Variants in ZNF143 observed in about 807,000 individuals in gnomAD.
ZNF143 encodes SPH-binding factor.
ZNF143 carries 49 observed loss-of-function variants against 74.1 expected under a neutral mutation model. That is an observed-to-expected ratio of 0.66 (90% CI 0.53 to 0.84). The LOEUF is 0.84. Ranked by LOEUF, ZNF143 falls within the 40% of genes least tolerant of loss-of-function variation. The probability of loss-of-function intolerance (pLI) is 0.00; values close to 1 mark genes in which losing one functional copy is unlikely to be tolerated. For missense variants in ZNF143, 637 were observed against 793.4 expected (o/e 0.80, Z 2.37); for synonymous variants, 304 against 282.8 (o/e 1.07, Z -0.75).
chr11:9,491,327 T>G (rs1015491260), intron 7 of ZNF143, among the ~76,000 whole-genome samples: 1 of 152,104 alleles, frequency 6.6e-6, no homozygotes, highest in African/African-American at 2.4e-5. Context: ...ATTTCTGTAT[T>G]ACTTTTTTGT....
At chr11:9,475,249 A>G (rs1309192097) in intron 5 of ZNF143, among the ~76,000 whole-genome samples, 1 of 152,142 alleles carries the variant, frequency 6.6e-6, no homozygotes, top group African/African-American at 2.4e-5. Flanking sequence ...TAACATTGAA[A>G]TGGTTAACTT....
chr11:9,511,102 C>CTTTTTTTT (rs777285359), intron 12 of ZNF143, among the ~76,000 whole-genome samples: 39 of 70,790 alleles, frequency 5.5e-4, no homozygotes, highest in Non-Finnish European at 7.8e-4. Context: ...TTAACAGCTT[C>CTTTTTTTT]TTTTTTTTTT....
intron 7 of ZNF143, among the ~76,000 whole-genome samples, chr11:9,490,842 C>T (rs1031624272): frequency 6.6e-6 from 1 of 152,112 alleles, no homozygotes; most frequent in South Asian, 2.1e-4. Flanking sequence ...AGGTGATCCT[C>T]CCACCTCAGC....
At chr11:9,473,691 A>G (rs1393150980) in intron 3 of ZNF143, 2 of 1,177,154 alleles carry the variant, frequency 1.7e-6, no homozygotes, top group Non-Finnish European at 1.2e-6. Flanking sequence ...GCCTGCTGTG[A>G]TGAGCCACTC....
At chr11:9,483,490 G>A (rs970451243) in intron 7 of ZNF143, among the ~76,000 whole-genome samples, 1 of 149,068 alleles carries the variant, frequency 6.7e-6, no homozygotes, top group Non-Finnish European at 1.5e-5. Flanking sequence ...TAGAGACAGG[G>A]TTTTACCATG....
chr11:9,461,328 G>A (rs1168391121), intron 1 of ZNF143, among the ~76,000 whole-genome samples: 4 of 152,220 alleles, frequency 2.6e-5, no homozygotes, highest in South Asian at 2.1e-4. Flanking sequence ...CCCCCAGCTT[G>A]TCTCTGAGCG....
chr11:9,477,367 G>A (rs1214735105), intron 5 of ZNF143, among the ~76,000 whole-genome samples: 5 of 151,968 alleles, frequency 3.3e-5, no homozygotes, highest in Non-Finnish European at 7.4e-5. Context: ...CGATTCTCCT[G>A]CTTCAGCCTC....
rs1848160665 is a variant in ZNF143, at chr11:9,501,580, G to A, written c.1147+310G>A. On this transcript the variant is annotated intron_variant, in intron 11 of 15. Transcript: ENST00000396602. ...TCCCATTATATGGACAAGATGCTGT[G>A]GGAGCAGAGAGGGGAGCAGTCACTT... Among the ~76,000 whole-genome samples, 4 of 152,292 alleles carry A rather than the reference G, an allele frequency of 2.6e-5. No homozygotes were observed. In the South Asian group the frequency reaches 8.3e-4, roughly 32 times the overall value.
At chr11:9,496,450 C>G (rs1847960373) in intron 9 of ZNF143, 72 bp downstream of exon 9, 10 of 1,291,610 alleles carry the variant, frequency 7.7e-6, no homozygotes, top group African/African-American at 1.5e-5. Flanking sequence ...GTGGAAGGAA[C>G]TGACCCCTTG....
At chr11:9,495,751 TA>T (rs2134054744) in intron 8 of ZNF143, among the ~76,000 whole-genome samples, 1 of 152,360 alleles carries the variant, frequency 6.6e-6, no homozygotes, top group Non-Finnish European at 1.5e-5. Context: ...CGTAAAGTAC[TA>T]AAAAGAGTGT....
intron 8 of ZNF143, among the ~76,000 whole-genome samples, chr11:9,495,466 G>T (rs1429121790): frequency 6.6e-6 from 1 of 152,090 alleles, no homozygotes; most frequent in Non-Finnish European, 1.5e-5. Flanking sequence ...AAATATTTGG[G>T]CTAAGTATTT....
intron 7 of ZNF143, among the ~76,000 whole-genome samples, chr11:9,487,377 T>G (rs936621599): frequency 6.6e-6 from 1 of 150,896 alleles, no homozygotes; most frequent in Non-Finnish European, 1.5e-5. Flanking sequence ...TTGTTTGTTT[T>G]GAGACGGAGT....
At chr11:9,479,369 CTT>C in intron 6 of ZNF143, 101 bp from the exon 7 acceptor site, 1 of 850,004 alleles carries the variant, frequency 1.2e-6, no homozygotes, top group Admixed American at 3.0e-5. Flanking sequence ...ACTTTTTTTT[CTT>C]TTTCTTTTTT....
intron 5 of ZNF143, among the ~76,000 whole-genome samples, chr11:9,477,319 A>G (rs189202654): frequency 6.8e-6 from 1 of 147,370 alleles, no homozygotes; most frequent in Non-Finnish European, 1.5e-5. Context: ...CAGTGGTGCA[A>G]TCTCGGCTCA....
At chr11:9,462,400 C>T (rs1249388346) in intron 1 of ZNF143, among the ~76,000 whole-genome samples, 1 of 151,730 alleles carries the variant, frequency 6.6e-6, no homozygotes, top group Non-Finnish European at 1.5e-5. Context: ...TCCCATGTTT[C>T]TACAAAAAAA....
At chr11:9,480,899 A>AT (rs1554963212) in intron 7 of ZNF143, among the ~76,000 whole-genome samples, 2 of 151,772 alleles carry the variant, frequency 1.3e-5, no homozygotes, top group African/African-American at 4.8e-5. Flanking sequence ...AAAAAAAAAA[A>AT]GAAAAAAGAA....
intron 1 of ZNF143, among the ~76,000 whole-genome samples, chr11:9,466,792 T>A (rs954772829): frequency 5.9e-5 from 9 of 152,204 alleles, no homozygotes; most frequent in African/African-American, 1.9e-4. Flanking sequence ...GCTGACTGTT[T>A]TTAGACTGAA....
intron 10 of ZNF143, among the ~76,000 whole-genome samples, chr11:9,499,671 G>A (rs1252268908): frequency 1.3e-5 from 2 of 152,126 alleles, no homozygotes; most frequent in Non-Finnish European, 2.9e-5. Flanking sequence ...TGCCTGTGAA[G>A]AGCCACTGCA....
intron 10 of ZNF143, among the ~76,000 whole-genome samples, chr11:9,498,078 C>T (rs935704752): frequency 3.9e-5 from 6 of 152,220 alleles, no homozygotes; most frequent in Admixed American, 3.9e-4. Flanking sequence ...GATCCGCCCG[C>T]CTCTGCCTCC....
Sources: gnomAD v4.1 joint callset for allele counts (sites outside exome capture counted in the v4.1 genomes callset) on GRCh38, gnomAD v4.1.1 for gene constraint, MANE v1.5 for transcripts, NCBI Gene and HGNC (gene_info 2026-07-23, HGNC 2026-07-21) for gene names.